Variants in OSBP2 observed in about 807,000 individuals in gnomAD.
The protein encoded by OSBP2 is oxysterol binding protein 2.
Under a neutral mutation model 96.0 loss-of-function variants are expected in OSBP2, and 66 were observed. The observed-to-expected ratio is 0.69, with a 90% CI of 0.56 to 0.84. OSBP2 has a LOEUF of 0.84. Among genes scored for constraint, OSBP2 ranks in the 40% least tolerant of loss-of-function variants. The pLI is 0.00. For missense variants in OSBP2, 1,038 were observed against 1,222.7 expected (o/e 0.85, Z 2.25); for synonymous variants, 525 against 520.9 (o/e 1.01, Z -0.11).
intron 1 of OSBP2, among the ~76,000 whole-genome samples, chr22:30,698,354 A>AT (rs1349701522): frequency 6.6e-6 from 1 of 152,048 alleles, no homozygotes; most frequent in Non-Finnish European, 1.5e-5. Context: ...CTGCTGGGCA[A>AT]TGTGGCTGGC....
intron 3 of OSBP2, among the ~76,000 whole-genome samples, chr22:30,884,827 G>A (rs958809186): frequency 6.6e-6 from 1 of 152,206 alleles, no homozygotes; most frequent in Non-Finnish European, 1.5e-5. Flanking sequence ...CCCCCGGTAG[G>A]TGTCACTTGG....
intron 2 of OSBP2, among the ~76,000 whole-genome samples, chr22:30,781,737 G>T (rs1397027643): frequency 6.6e-6 from 1 of 152,192 alleles, no homozygotes; most frequent in African/African-American, 2.4e-5. Flanking sequence ...CCACAGGAAG[G>T]TTCTGGGCCT....
chr22:30,820,827 G>A (rs939450015), intron 2 of OSBP2, among the ~76,000 whole-genome samples: 3 of 152,078 alleles, frequency 2.0e-5, no homozygotes, highest in African/African-American at 4.8e-5. Context: ...CCCCCTGCCC[G>A]GCCAGTGAAT....
At chr22:30,718,111 G>A (rs367787492) in intron 1 of OSBP2, among the ~76,000 whole-genome samples, 1 of 152,130 alleles carries the variant, frequency 6.6e-6, no homozygotes, top group East Asian at 1.9e-4. Context: ...GAGAGTCACA[G>A]CATCCCAGCT....
intron 12 of OSBP2, among the ~76,000 whole-genome samples, chr22:30,905,146 T>G (rs1387117318): frequency 7.1e-6 from 1 of 140,354 alleles, no homozygotes; most frequent in Non-Finnish European, 1.6e-5. Flanking sequence ...TTTTTTTTTT[T>G]TTTTTTTTTT....
intron 2 of OSBP2, among the ~76,000 whole-genome samples, chr22:30,857,831 A>G (rs2039109354): frequency 6.6e-6 from 1 of 152,214 alleles, no homozygotes; most frequent in Non-Finnish European, 1.5e-5. Context: ...CTATTCATTT[A>G]AGACACATGA....
At chr22:30,754,358 G>A (rs2090115355) in intron 2 of OSBP2, among the ~76,000 whole-genome samples, 1 of 152,198 alleles carries the variant, frequency 6.6e-6, no homozygotes, top group African/African-American at 2.4e-5. Context: ...GCATGCATAT[G>A]TCCCTCAGCA....
intron 2 of OSBP2, among the ~76,000 whole-genome samples, chr22:30,768,643 C>T (rs1602236835): frequency 6.6e-6 from 1 of 151,954 alleles, no homozygotes; most frequent in East Asian, 1.9e-4. Context: ...CACCATTGCA[C>T]TCCAGCCTGG....
intron 2 of OSBP2, among the ~76,000 whole-genome samples, chr22:30,865,346 C>G (rs569207815): frequency 1.3e-5 from 2 of 152,106 alleles, no homozygotes; most frequent in Non-Finnish European, 2.9e-5. Context: ...CAGTTATGGC[C>G]GGGCATGGTG....
At position 30,870,389 on chromosome 22, in the gene OSBP2, C is replaced by G; in HGVS notation, c.854-40C>G. The G allele has an allele frequency of 3.7e-6, 6 of 1,607,684 alleles. No homozygotes were observed. The highest frequency in any genetic ancestry group is 5.1e-6 in the Non-Finnish European group (6 of 1,177,698). On this transcript the variant is annotated intron_variant, in intron 2 of 13. Coordinates refer to ENST00000332585, the MANE Select transcript of OSBP2 (RefSeq NM_030758.4). This position sits in a 1 kb window ranked among gnomAD's most constrained non-coding sequence, Gnocchi z 4.1. ...CTGTGCAGGCCTCTTGGTACCACGT[C>G]TGTTCGTAATGACCGTAACAACTCT...
At chr22:30,893,022 G>C (rs1039350458) in intron 8 of OSBP2, 100 bp from the exon 9 acceptor site, 2 of 1,475,472 alleles carry the variant, frequency 1.4e-6, no homozygotes, top group Admixed American at 1.7e-5. Context: ...CCACAGAGCT[G>C]TGCCTGCTGA....
intron 2 of OSBP2, among the ~76,000 whole-genome samples, chr22:30,863,868 C>T (rs1246983270): frequency 6.6e-6 from 1 of 152,114 alleles, no homozygotes; most frequent in African/African-American, 2.4e-5. Flanking sequence ...CAGCGCGAGG[C>T]TTCTCTTTCT....
chr22:30,879,564 C>T (rs1318991583), intron 3 of OSBP2, among the ~76,000 whole-genome samples: 1 of 152,144 alleles, frequency 6.6e-6, no homozygotes, highest in Non-Finnish European at 1.5e-5. Context: ...AGCTCCGCCT[C>T]GGGGGTCAGG....
intron 1 of OSBP2, among the ~76,000 whole-genome samples, chr22:30,737,205 G>A (rs2089869097): frequency 6.6e-6 from 1 of 151,880 alleles, no homozygotes; most frequent in Non-Finnish European, 1.5e-5. Flanking sequence ...TAGTAGAGAT[G>A]GGATTTCACC....
chr22:30,780,612 C>T lies in OSBP2; in HGVS notation c.853+39243C>T, dbSNP rs1289099094. Among the ~76,000 whole-genome samples the T allele has an allele frequency of 2.0e-5, 3 of 152,292 alleles. No homozygotes were observed. The Middle Eastern group carries it at 0.01, about 518-fold the overall frequency. On this transcript the variant is annotated intron_variant, in intron 2 of 13. Coordinates refer to ENST00000332585, the MANE Select transcript of OSBP2 (RefSeq NM_030758.4). The stretch of plus-strand genomic sequence containing the variant: ...TCCCGGGTTCAAGCAATGCTTATGC[C>T]ACAGCCTCCCGAGTAGCTGGGATTA...
In OSBP2 at chr22:30,890,799, C is replaced by A; in HGVS notation, c.1695C>A (p.Asp565Glu). ...TEDLEYHHLL[D>E]KAVHCTSSVE... Reference sequence around the variant, plus strand: ...ACCTGGAGTACCACCACCTGCTGGACAAGGCAGTGCACTGCACCAGCTCAG... The same window carrying A: ...ACCTGGAGTACCACCACCTGCTGGAAAAGGCAGTGCACTGCACCAGCTCAG... The change falls in exon 8 of 14, where the codon GAC (aspartate) becomes GAA (glutamate). Residue 565 changes from aspartate (D) to glutamate (E), a missense_variant. Asp to Glu is a conservative substitution (Grantham distance 45). Transcript: ENST00000332585. This position sits in a 1 kb window ranked among gnomAD's most constrained non-coding sequence, Gnocchi z 4.4. The A allele has an allele frequency of 6.2e-7, 1 of 1,613,608 alleles. No homozygotes were observed. The highest frequency in any genetic ancestry group is 8.5e-7 in the Non-Finnish European group (1 of 1,179,996).
chr22:30,694,535 T>C (rs1044580831), upstream of OSBP2, among the ~76,000 whole-genome samples: 1 of 152,138 alleles, frequency 6.6e-6, no homozygotes, highest in Non-Finnish European at 1.5e-5. Context: ...AGAGCTGCGC[T>C]GGGAGCTGGC....
upstream of OSBP2, chr22:30,694,261 G>T (rs1341047277): frequency 1.3e-6 from 2 of 1,549,832 alleles, no homozygotes; most frequent in Non-Finnish European, 8.7e-7. Context: ...TGAACCGTAG[G>T]CCAGCTGGCT....
intron 2 of OSBP2, among the ~76,000 whole-genome samples, chr22:30,791,361 C>G (rs1045988964): frequency 1.5e-4 from 15 of 97,180 alleles, no homozygotes; most frequent in African/African-American, 2.5e-4. Context: ...GAGTCTGGCT[C>G]TGTCATCCAG....
Sources: allele counts gnomAD v4.1 joint callset (sites outside exome capture counted in the v4.1 genomes callset), GRCh38; gene constraint gnomAD v4.1.1; non-coding constraint Gnocchi (gnomAD v3.1); transcripts MANE v1.5; gene names NCBI Gene and HGNC (gene_info 2026-07-23, HGNC 2026-07-21).